SNTG1: variants seen among roughly 807,000 people sequenced by gnomAD.
SNTG1 encodes syntrophin gamma 1, also known as gamma-1-syntrophin.
SNTG1 carries 39 observed loss-of-function variants against 74.7 expected under a neutral mutation model. The observed-to-expected ratio is 0.52, with a 90% CI of 0.40 to 0.68. The LOEUF is 0.68. Ranked by LOEUF, SNTG1 falls within the 30% of genes least tolerant of loss-of-function variation. The probability of loss-of-function intolerance (pLI) is 0.00; values close to 1 mark genes in which losing one functional copy is unlikely to be tolerated. For missense variants in SNTG1, 685 were observed against 609.5 expected (o/e 1.12, Z -1.30); for synonymous variants, 254 against 217.1 (o/e 1.17, Z -1.49).
rs2095523502 is a variant in SNTG1 at position 50,734,888 on chromosome 8, T to TAGATATATAG, written c.1285-17112_1285-17111insGATATATAGA. On this transcript the variant is annotated intron_variant, in intron 17 of 18. Transcript: ENST00000642720. ...ATATATATGGACATATATATATCTATATATATGGACATATATATATCTATA... is the reference window on the plus strand; with the variant it reads ...ATATATATGGACATATATATATCTATAGATATATAGATATATGGACATATATATATCTATA... Among the ~76,000 whole-genome samples the TAGATATATAG allele has an allele frequency of 1.7e-4, 23 of 139,338 alleles. 3 individuals are homozygous for TAGATATATAG. The highest frequency in any genetic ancestry group is 7.3e-5 in the Admixed American group (1 of 13,672). 91.4% of individuals were successfully genotyped at this position (139,338 alleles called of 152,430 possible). A position where few individuals can be genotyped will look rare whatever the true frequency, so the allele number is the denominator to read the frequency against.
At position 50,739,039 on chromosome 8, in the gene SNTG1, C is replaced by A. The variant is rs749896785; in HGVS notation, c.1285-12962C>A. Reference sequence around the variant, plus strand: ...ATGACTAAGACACAAAAAGCAATGGCAACAAAAGCCAAAATTGACAAATGG... The same window carrying A: ...ATGACTAAGACACAAAAAGCAATGGAAACAAAAGCCAAAATTGACAAATGG... On this transcript the variant is annotated intron_variant, in intron 17 of 18. Coordinates refer to ENST00000642720, the MANE Select transcript of SNTG1 (RefSeq NM_018967.5). 4.9e-4 allele frequency among the ~76,000 whole-genome samples: 74 copies of A among 152,060 alleles called. 1 individual carries two copies. The highest frequency in any genetic ancestry group is 1.2e-4 in the Non-Finnish European group (8 of 68,014).
chr8:50,579,364 A>G (rs2130808198), intron 12 of SNTG1, among the ~76,000 whole-genome samples: 1 of 152,328 alleles, frequency 6.6e-6, no homozygotes, highest in African/African-American at 2.4e-5. Context: ...CAGTCTGACA[A>G]TGCAATGGAA....
intron 2 of SNTG1, among the ~76,000 whole-genome samples, chr8:50,235,761 C>T (rs2085858527): frequency 6.6e-6 from 1 of 151,774 alleles, no homozygotes; most frequent in Admixed American, 6.6e-5. Flanking sequence ...GTGTTCTTTC[C>T]CTAAATGCAT....
intron 2 of SNTG1, among the ~76,000 whole-genome samples, chr8:50,314,998 T>C (rs1267937799): frequency 2.0e-5 from 3 of 149,844 alleles, no homozygotes; most frequent in Admixed American, 6.8e-5. Flanking sequence ...TTGACAGCAT[T>C]AAACTCATTG....
At chr8:50,489,450 CT>C (rs1275830986) in intron 8 of SNTG1, among the ~76,000 whole-genome samples, 1 of 152,072 alleles carries the variant, frequency 6.6e-6, no homozygotes, top group East Asian at 1.9e-4. Flanking sequence ...GTTTCCTGAC[CT>C]TTTAATGATC....
chr8:50,514,679 A>C (rs943273187), intron 9 of SNTG1, among the ~76,000 whole-genome samples: 1 of 152,186 alleles, frequency 6.6e-6, no homozygotes, highest in Admixed American at 6.6e-5. Flanking sequence ...TTTTGTGTAC[A>C]CATAAGAAGA....
At chr8:50,402,132 C>T (rs1030112812) in intron 3 of SNTG1, 78 bp from the exon 4 acceptor site, 211 of 1,428,052 alleles carry the variant, frequency 1.5e-4, no homozygotes, top group South Asian at 1.0e-3. Context: ...CCATGTTTTG[C>T]TGTAAACTGG....
intron 1 of SNTG1, among the ~76,000 whole-genome samples, chr8:49,988,001 G>A (rs533308258): frequency 6.6e-6 from 1 of 152,032 alleles, no homozygotes; most frequent in African/African-American, 2.4e-5. Flanking sequence ...TAGCAATGAA[G>A]GAAAGAAAGA....
At chr8:50,037,180 TTTAA>T (rs1818238817) in intron 1 of SNTG1, among the ~76,000 whole-genome samples, 1 of 152,254 alleles carries the variant, frequency 6.6e-6, no homozygotes, top group African/African-American at 2.4e-5. Flanking sequence ...ATTTTCACAA[TTTAA>T]TTAGTTGGCA....
At chr8:50,260,098 G>T (rs1245668282) in intron 2 of SNTG1, among the ~76,000 whole-genome samples, 1 of 151,994 alleles carries the variant, frequency 6.6e-6, no homozygotes, top group African/African-American at 2.4e-5. Context: ...AATACACCTG[G>T]GACATTCTGT....
chr8:50,667,835 T>G (rs2131324226), intron 15 of SNTG1, among the ~76,000 whole-genome samples: 1 of 152,192 alleles, frequency 6.6e-6, no homozygotes. Context: ...GTTATTTTTT[T>G]ACTGTAACAC....
chr8:50,283,144 C>T (rs1422276998), intron 2 of SNTG1, among the ~76,000 whole-genome samples: 4 of 152,090 alleles, frequency 2.6e-5, no homozygotes, highest in Non-Finnish European at 4.4e-5. Flanking sequence ...GTGTTTGAAA[C>T]AAAAAAGCGA....
chr8:50,412,391 A>T (rs1340034624), intron 4 of SNTG1, among the ~76,000 whole-genome samples: 3 of 152,134 alleles, frequency 2.0e-5, no homozygotes, highest in Admixed American at 6.6e-5. Flanking sequence ...TCTTTGACAG[A>T]TTGAGTCCAT....
At chr8:50,090,063 C>T (rs949880192) in intron 1 of SNTG1, among the ~76,000 whole-genome samples, 6 of 152,182 alleles carry the variant, frequency 3.9e-5, no homozygotes, top group African/African-American at 4.8e-5. Context: ...CTTCAAGTAA[C>T]ACATAGAAAT....
intron 1 of SNTG1, among the ~76,000 whole-genome samples, chr8:50,062,701 TC>T (rs1820581211): frequency 6.6e-6 from 1 of 152,218 alleles, no homozygotes; most frequent in Admixed American, 6.5e-5. Context: ...ATTTACTTTT[TC>T]TTGGTCAGCA....
At chr8:50,041,385 A>G (rs1818628725) in intron 1 of SNTG1, among the ~76,000 whole-genome samples, 1 of 152,186 alleles carries the variant, frequency 6.6e-6, no homozygotes, top group African/African-American at 2.4e-5. Flanking sequence ...TATTTAATAA[A>G]TTAACTAAAA....
intron 2 of SNTG1, among the ~76,000 whole-genome samples, chr8:50,174,957 C>T (rs527896102): frequency 7.5e-5 from 11 of 147,438 alleles, no homozygotes; most frequent in East Asian, 2.1e-4. Flanking sequence ...TGAGAACATG[C>T]GGTGTTTGGT....
chr8:50,084,690 T>C (rs1822717601), intron 1 of SNTG1, among the ~76,000 whole-genome samples: 1 of 152,214 alleles, frequency 6.6e-6, no homozygotes, highest in African/African-American at 2.4e-5. Context: ...AAAAAACTCA[T>C]GTTGAAATTT....
intron 15 of SNTG1, among the ~76,000 whole-genome samples, chr8:50,682,677 C>T (rs928095548): frequency 1.3e-5 from 2 of 152,062 alleles, no homozygotes; most frequent in African/African-American, 4.8e-5. Context: ...CCTTTGCCTC[C>T]TATCAGTTTC....
Sources: allele counts gnomAD v4.1 joint callset (sites outside exome capture counted in the v4.1 genomes callset), GRCh38; gene constraint gnomAD v4.1.1; transcripts MANE v1.5; gene names NCBI Gene and HGNC (gene_info 2026-07-23, HGNC 2026-07-21).